The following POLN variants were observed in gnomAD, a reference collection of about 807,000 sequenced individuals.
POLN encodes DNA polymerase nu.
In POLN, 108 loss-of-function variants were observed where a neutral mutation model predicts 113.5. That is an observed-to-expected ratio of 0.95 (90% CI 0.81 to 1.12). The LOEUF (loss-of-function observed/expected upper bound fraction) is 1.12. Among genes scored for constraint, POLN ranks in the 50% most tolerant of loss-of-function variants. The pLI is 0.00. For synonymous variants in POLN, 386 were observed against 391.5 expected, an observed-to-expected ratio of 0.99 and a Z score of 0.17; for missense variants, 1,097 against 1,077.1, an observed-to-expected ratio of 1.02 and a Z score of -0.26.
At position 2,176,253 on chromosome 4, in the gene POLN, T is replaced by C. The variant is rs748049078; in HGVS notation, c.1248+13A>G. 1.0e-5 allele frequency: 16 copies of C among 1,595,844 alleles called. No homozygotes were observed. The East Asian group carries it at 2.5e-4, about 25-fold the overall frequency. On this transcript the variant is annotated intron_variant, in intron 9 of 25. Coordinates refer to ENST00000511885, the MANE Select transcript of POLN (RefSeq NM_181808.4). ...AGCCTCTGTCAGCCAGAAATTATAATAAAATGCCTTGCCTTCAGTTTAGAG... is the reference window on the plus strand; with the variant it reads ...AGCCTCTGTCAGCCAGAAATTATAACAAAATGCCTTGCCTTCAGTTTAGAG...
At chr4:2,197,310 C>T (rs1368294640) in intron 6 of POLN, among the ~76,000 whole-genome samples, 1 of 152,198 alleles carries the variant, frequency 6.6e-6, no homozygotes, top group African/African-American at 2.4e-5. Flanking sequence ...TGCCGAGTAA[C>T]AGCAACGCAG....
At chr4:2,201,321 A>G (rs917609420) in intron 5 of POLN, among the ~76,000 whole-genome samples, 4 of 143,478 alleles carry the variant, frequency 2.8e-5, no homozygotes, top group African/African-American at 1.0e-4. Flanking sequence ...AGAAATTTTC[A>G]ATGAAATAGA....
At chr4:2,183,655 T>G (rs1385724146) in intron 7 of POLN, among the ~76,000 whole-genome samples, 2 of 151,714 alleles carry the variant, frequency 1.3e-5, no homozygotes, top group African/African-American at 2.4e-5. Context: ...CTTGCCAGAG[T>G]CTGAGAAAGG....
At chr4:2,082,411 C>T (rs144271565) in intron 21 of POLN, among the ~76,000 whole-genome samples, 218 of 152,310 alleles carry the variant, frequency 1.4e-3, no homozygotes, top group African/African-American at 4.4e-3. Context: ...GGTCAGCCCA[C>T]ATCCTCAAGG....
chr4:2,170,583 C>T (rs149680386), intron 13 of POLN, 96 bp downstream of exon 13: 51 of 1,043,302 alleles, frequency 4.9e-5, no homozygotes, highest in Non-Finnish European at 6.8e-5. Context: ...CATGAGGGGA[C>T]GGCCTGAGAG....
intron 3 of POLN, among the ~76,000 whole-genome samples, chr4:2,221,121 T>C (rs1462300249): frequency 6.6e-6 from 1 of 152,062 alleles, no homozygotes; most frequent in Non-Finnish European, 1.5e-5. Context: ...TACTCAAGAT[T>C]TATTTTTTAA....
intron 19 of POLN, among the ~76,000 whole-genome samples, chr4:2,114,508 G>A (rs1303805456): frequency 2.0e-5 from 3 of 152,190 alleles, no homozygotes; most frequent in African/African-American, 7.2e-5. Flanking sequence ...TGGATACAGA[G>A]TTCTATATTC....
intron 19 of POLN, among the ~76,000 whole-genome samples, chr4:2,117,248 ACTGG>A (rs1731339709): frequency 1.3e-5 from 2 of 152,176 alleles, no homozygotes. Flanking sequence ...CATTCACATC[ACTGG>A]CTGAAGCAAG....
At chr4:2,177,256 G>T in intron 8 of POLN, 1 of 471,700 alleles carries the variant, frequency 2.1e-6, no homozygotes. Context: ...TGCACGAGGA[G>T]CCCCTAAATC....
intron 19 of POLN, among the ~76,000 whole-genome samples, chr4:2,104,755 C>T (rs537186321): frequency 1.3e-5 from 2 of 152,324 alleles, no homozygotes; most frequent in African/African-American, 2.4e-5. Context: ...TGAAACATGA[C>T]AGCTGTATCT....
At chr4:2,136,133 C>T (rs955844557) in intron 16 of POLN, among the ~76,000 whole-genome samples, 6 of 152,178 alleles carry the variant, frequency 3.9e-5, no homozygotes, top group African/African-American at 7.2e-5. Context: ...GTCCAGGGGG[C>T]GGAGACCATG....
intron 4 of POLN, among the ~76,000 whole-genome samples, chr4:2,209,657 C>CATT (rs1733941100): frequency 1.8e-5 from 2 of 108,430 alleles, no homozygotes; most frequent in East Asian, 6.3e-4. Flanking sequence ...TTTCCTTTTC[C>CATT]TTTTTTTTTT....
intron 16 of POLN, among the ~76,000 whole-genome samples, chr4:2,143,422 C>T (rs192477268): frequency 3.3e-3 from 495 of 152,244 alleles, no homozygotes; most frequent in Non-Finnish European, 5.2e-3. Context: ...AAAAATCACA[C>T]GCACGTAAAT....
At chr4:2,199,014 G>T (rs1478775985) in intron 5 of POLN, among the ~76,000 whole-genome samples, 3 of 152,096 alleles carry the variant, frequency 2.0e-5, no homozygotes, top group Non-Finnish European at 2.9e-5. Context: ...TTAACAGATG[G>T]CATGAATGTC....
intron 13 of POLN, among the ~76,000 whole-genome samples, chr4:2,161,252 T>G (rs1473331141): frequency 2.0e-5 from 3 of 152,188 alleles, no homozygotes; most frequent in Non-Finnish European, 2.9e-5. Flanking sequence ...CTCCCTCAGC[T>G]TGCAGGGAGG....
At chr4:2,084,152 C>A (rs1458631178) in intron 21 of POLN, among the ~76,000 whole-genome samples, 1 of 152,244 alleles carries the variant, frequency 6.6e-6, no homozygotes, top group Non-Finnish European at 1.5e-5. Context: ...TGCTTCTAGA[C>A]TATTCTCAGG....
chr4:2,081,764 G>C, intron 21 of POLN, 21 bp from the exon 22 acceptor site: 1 of 1,605,120 alleles, frequency 6.2e-7, no homozygotes, highest in East Asian at 2.2e-5. Context: ...CAGAGCAAAA[G>C]TAGATGAGGG....
At chr4:2,223,217 C>T (rs1734303416) in intron 3 of POLN, among the ~76,000 whole-genome samples, 3 of 152,144 alleles carry the variant, frequency 2.0e-5, no homozygotes, top group African/African-American at 4.8e-5. Flanking sequence ...TAGGTGATTT[C>T]ATTGTTATGA....
chr4:2,153,912 T>G (rs1439034163), intron 16 of POLN, among the ~76,000 whole-genome samples: 1 of 151,688 alleles, frequency 6.6e-6, no homozygotes, highest in Non-Finnish European at 1.5e-5. Context: ...AAAAGCCATT[T>G]TAAGGCCAGG....
Sources: allele counts gnomAD v4.1 joint callset (sites outside exome capture counted in the v4.1 genomes callset), GRCh38; gene constraint gnomAD v4.1.1; transcripts MANE v1.5; gene names NCBI Gene and HGNC (gene_info 2026-07-23, HGNC 2026-07-21).